Variants in HIVEP1 observed in about 807,000 individuals in gnomAD.
HIVEP1 encodes the protein HIVEP zinc finger 1.
In HIVEP1, 36 loss-of-function variants were observed where a neutral mutation model predicts 180.0. That is an observed-to-expected ratio of 0.20 (90% CI 0.15 to 0.26). HIVEP1 has a LOEUF of 0.26. Ranked by LOEUF, HIVEP1 falls within the 10% of genes least tolerant of loss-of-function variation. The pLI is 1.00. For missense variants in HIVEP1, 3,143 were observed against 3,268.7 expected, an observed-to-expected ratio of 0.96 and a Z score of 0.94; for synonymous variants, 1,239 against 1,239.0, an observed-to-expected ratio of 1.00 and a Z score of 0.00.
rs145559140 is a variant in HIVEP1 at position 12,125,381 on chromosome 6, G to A, written c.5586G>A (p.Lys1862=). 10,706 of 1,613,976 alleles carry A rather than the reference G, an allele frequency of 6.6e-3. 66 individuals carry two copies. The highest frequency in any genetic ancestry group is 0.018 in the Middle Eastern group (107 of 6,060). The change falls in exon 4 of 9, where the codon AAG becomes AAA. Residue 1862 remains lysine (K), a synonymous_variant. Coordinates refer to ENST00000379388, the MANE Select transcript of HIVEP1 (RefSeq NM_002114.4). ...ISELQEFENI[K]SSTSLTLTVR... is the part of the protein sequence containing the mutation. ...AATTGCAGGAATTTGAAAACATCAA[G>A]TCATCCACATCATTAACTCTTACAG... is the stretch of plus-strand genomic sequence containing the variant.
At chr6:12,047,005 T>C (rs9470854) in intron 2 of HIVEP1, among the ~76,000 whole-genome samples, 92,877 of 150,786 alleles carry the variant, frequency 0.62, 29,024 homozygotes, top group East Asian at 0.81. Flanking sequence ...GGATTACAGG[T>C]GTCCACCACC....
At chr6:12,149,947 A>G (rs1173211626) in intron 7 of HIVEP1, among the ~76,000 whole-genome samples, 2 of 152,184 alleles carry the variant, frequency 1.3e-5, no homozygotes, top group Non-Finnish European at 2.9e-5. Context: ...TAGCAGATGG[A>G]ATTCATGTTC....
At chr6:12,158,788 T>C (rs1760217693) in intron 7 of HIVEP1, among the ~76,000 whole-genome samples, 1 of 152,176 alleles carries the variant, frequency 6.6e-6, no homozygotes, top group Non-Finnish European at 1.5e-5. Flanking sequence ...CAACAGTGCG[T>C]GCCGCCCTTC....
At chr6:12,079,071 C>T (rs2113268384) in intron 2 of HIVEP1, among the ~76,000 whole-genome samples, 1 of 152,260 alleles carries the variant, frequency 6.6e-6, no homozygotes, top group East Asian at 1.9e-4. Context: ...ACGATGACTA[C>T]CTCCTTCCAT....
chr6:12,129,811 C>T lies in HIVEP1; in HGVS notation c.6128C>T (p.Ala2043Val), dbSNP rs1758318316. The T allele has an allele frequency of 1.9e-6, 3 of 1,591,156 alleles. No individual in the cohort carries two copies. The highest frequency in any genetic ancestry group is 2.7e-5 in the African/African-American group (2 of 74,378). The part of the protein sequence containing the change: ...STVVEFSNKD[A>V]SEINSEQDKE... Reference sequence around the variant, plus strand: ...GTAGTTGAATTCAGCAATAAAGATGCCTCTGAAATTAACAGTGAGCAAGAT... The same window carrying T: ...GTAGTTGAATTCAGCAATAAAGATGTCTCTGAAATTAACAGTGAGCAAGAT... The change falls in exon 5 of 9, where the codon GCC becomes GTC. Residue 2043 changes from alanine (A) to valine (V), a missense_variant. Physicochemically the swap from Ala to Val is moderately conservative, Grantham distance 64. Around this residue, in one of 12 missense-constraint regions of HIVEP1, gnomAD observed 1,357 missense variants for 1,260.5 expected, o/e 1.08. Transcript: ENST00000379388.
intron 2 of HIVEP1, among the ~76,000 whole-genome samples, chr6:12,025,087 A>G (rs543863209): frequency 6.6e-6 from 1 of 152,338 alleles, no homozygotes; most frequent in South Asian, 2.1e-4. Context: ...CCCATTTTAT[A>G]GATGTGGAAA....
At chr6:12,198,571 A>G in the HIVEP1 span, among the ~76,000 whole-genome samples, 1 of 152,224 alleles carries the variant, frequency 6.6e-6, no homozygotes, top group Non-Finnish European at 1.5e-5. Flanking sequence ...GGAGAGCCCC[A>G]TAGGAAATAA....
At chr6:12,041,870 A>G (rs941244670) in intron 2 of HIVEP1, among the ~76,000 whole-genome samples, 4 of 152,020 alleles carry the variant, frequency 2.6e-5, no homozygotes, top group East Asian at 1.9e-4. Context: ...CGTGTTAGCT[A>G]GGATGGTCTT....
the HIVEP1 span, among the ~76,000 whole-genome samples, chr6:12,211,545 T>C: frequency 2.0e-5 from 3 of 151,408 alleles, no homozygotes; most frequent in Non-Finnish European, 4.4e-5. Context: ...CATACATATA[T>C]TTATATAAAC....
chr6:12,137,829 C>T (rs564851692), intron 7 of HIVEP1, among the ~76,000 whole-genome samples: 1 of 152,110 alleles, frequency 6.6e-6, no homozygotes, highest in South Asian at 2.1e-4. Context: ...TTTTATTGTG[C>T]TTTTCTGTGC....
downstream of HIVEP1, among the ~76,000 whole-genome samples, chr6:12,166,326 A>G (rs760209351): frequency 1.3e-5 from 2 of 152,238 alleles, no homozygotes; most frequent in East Asian, 3.9e-4. Context: ...GTTTCTATAG[A>G]ATTTTCTTAA....
At chr6:12,135,980 G>C in intron 7 of HIVEP1, 88 bp downstream of exon 7, 2 of 713,390 alleles carry the variant, frequency 2.8e-6, no homozygotes, top group Non-Finnish European at 4.8e-6. Context: ...CACTGATTCT[G>C]CCTAATTCTG....
At chr6:12,098,676 G>T (rs985344943) in intron 3 of HIVEP1, among the ~76,000 whole-genome samples, 2 of 152,162 alleles carry the variant, frequency 1.3e-5, no homozygotes, top group Admixed American at 6.5e-5. Context: ...TAAACCTGAA[G>T]AATATAATTT....
chr6:12,157,356 C>T (rs1760121200), intron 7 of HIVEP1, among the ~76,000 whole-genome samples: 3 of 151,966 alleles, frequency 2.0e-5, no homozygotes, highest in Non-Finnish European at 4.4e-5. Flanking sequence ...TATTGGCAAC[C>T]GTTTTCTGTT....
intron 3 of HIVEP1, among the ~76,000 whole-genome samples, chr6:12,097,567 C>T (rs555164488): frequency 2.0e-5 from 3 of 152,230 alleles, no homozygotes; most frequent in African/African-American, 7.2e-5. Context: ...TAAATATTCA[C>T]ATCTTACGAA....
intron 2 of HIVEP1, among the ~76,000 whole-genome samples, chr6:12,050,725 C>T (rs1034852032): frequency 2.0e-5 from 3 of 152,142 alleles, no homozygotes; most frequent in Admixed American, 2.0e-4. Flanking sequence ...TCCAGACAGT[C>T]TCACTGTAGA....
chr6:12,043,733 G>A (rs1240354047), intron 2 of HIVEP1, among the ~76,000 whole-genome samples: 1 of 152,110 alleles, frequency 6.6e-6, no homozygotes, highest in East Asian at 1.9e-4. Context: ...TGGCACTGGT[G>A]GCTTCAGCAT....
At chr6:12,147,402 C>G (rs754554039) in intron 7 of HIVEP1, among the ~76,000 whole-genome samples, 64 of 152,168 alleles carry the variant, frequency 4.2e-4, no homozygotes, top group Non-Finnish European at 8.8e-4. Context: ...AAAGCTATTG[C>G]CCCTTTAGGA....
chr6:12,036,960 G>C (rs1769313885), intron 2 of HIVEP1, among the ~76,000 whole-genome samples: 1 of 152,162 alleles, frequency 6.6e-6, no homozygotes, highest in African/African-American at 2.4e-5. Flanking sequence ...AAGATGGTGT[G>C]GAGGCTGGGT....
Sources: gnomAD v4.1 joint callset for allele counts (sites outside exome capture counted in the v4.1 genomes callset) on GRCh38, gnomAD v4.1.1 for gene constraint, gnomAD v4.1.1 regional missense constraint, MANE v1.5 for transcripts, NCBI Gene and HGNC (gene_info 2026-07-23, HGNC 2026-07-21) for gene names.